Variants in HOXD8 observed in about 807,000 individuals in gnomAD.
HOXD8 encodes homeobox protein Hox-D8.
Under a neutral mutation model 25.4 loss-of-function variants are expected in HOXD8, and 17 were observed. That is an observed-to-expected ratio of 0.67 (90% CI 0.46 to 1.00). The LOEUF (loss-of-function observed/expected upper bound fraction) is 1.00. HOXD8 is among the 50% of genes least tolerant of loss of function. The pLI is 0.00. For missense variants in HOXD8, 511 were observed against 398.5 expected, an observed-to-expected ratio of 1.28 and a Z score of -2.40; for synonymous variants, 203 against 175.3, an observed-to-expected ratio of 1.16 and a Z score of -1.25.
At position 176,130,524 on chromosome 2, in the gene HOXD8, T is replaced by G. The variant is rs1690067005; in HGVS notation, c.158T>G (p.Leu53Arg). 2.0e-6 allele frequency: 3 copies of G among 1,484,506 alleles called. No individual in the cohort carries two copies. Among genetic ancestry groups the G allele is most frequent in the Non-Finnish European group, 2.7e-6 (3 of 1,125,742 alleles). 92.0% of individuals were successfully genotyped at this position (1,484,506 alleles called of 1,614,324 possible). The change falls in exon 1 of 2, where the codon CTC (leucine) becomes CGC (arginine). Residue 53 changes from leucine (L) to arginine (R), a missense_variant. Coordinates refer to ENST00000313173, the MANE Select transcript of HOXD8 (RefSeq NM_019558.4). The stretch of plus-strand genomic sequence containing the variant: ...GCCGCCGCCGCAGCAGCCCTGCAGC[T>G]CTATGGCAACAGCGCCGCCGGCTTC... ...RHAAAAAALQ[L>R]YGNSAAGFPH...
chr2:176,130,636 C>T lies in HOXD8; in HGVS notation c.270C>T (p.Gly90=), dbSNP rs1053977335. The T allele has an allele frequency of 1.3e-6, 2 of 1,539,378 alleles. No homozygotes were observed. The highest frequency in any genetic ancestry group is 1.7e-6 in the Non-Finnish European group (2 of 1,150,928). ...GTGCGGREGR[G]QEYFHPGGGS... ...GGTGCGGCGGTAGGGAAGGCCGGGGCCAGGAGTACTTCCACCCCGGCGGGG... is the reference window on the plus strand; with the variant it reads ...GGTGCGGCGGTAGGGAAGGCCGGGGTCAGGAGTACTTCCACCCCGGCGGGG... Residue 90 remains glycine, a synonymous_variant, in exon 1 of 2, where the codon GGC becomes GGT. Coordinates refer to ENST00000313173, the MANE Select transcript of HOXD8 (RefSeq NM_019558.4).
Position 176,129,746 on chromosome 2 carries a change from C to T in HOXD8, c.-621C>T, listed in dbSNP as rs1690035849. The stretch of plus-strand genomic sequence containing the variant: ...GTCCCCGTCACGCTGACTTTCCGTG[C>T]AGTGCTGTGGTGCGAAAATGCCTCG... On this transcript the variant is annotated 5_prime_UTR_variant, in exon 1 of 2. Transcript: ENST00000313173. The T allele has an allele frequency of 2.8e-6, 1 of 363,214 alleles. No individual in the cohort carries two copies. The highest frequency in any genetic ancestry group is 7.9e-5 in the East Asian group (1 of 12,614). 22.5% of individuals were successfully genotyped at this position (363,214 alleles called of 1,614,324 possible).
At chr2:176,131,022 G>A in intron 1 of HOXD8, 79 bp downstream of exon 1, 1 of 949,994 alleles carries the variant, frequency 1.1e-6, no homozygotes, top group South Asian at 1.7e-5. Flanking sequence ...TAAAACTCCC[G>A]TTCCCTCTCC....
chr2:176,129,773 C>T lies in HOXD8; in HGVS notation c.-594C>T, dbSNP rs1368595116. On this transcript the variant is annotated 5_prime_UTR_variant, in exon 1 of 2. Transcript: ENST00000313173. ...GTGCTGTGGTGCGAAAATGCCTCGC[C>T]GGTGCGCACCGGGTCGGCAGCCTCG... The T allele has an allele frequency of 3.2e-5, 7 of 216,776 alleles. No individual in the cohort carries two copies. Among genetic ancestry groups the T allele is most frequent in the Middle Eastern group, 1.3e-3 (1 of 766 alleles). The allele number at this position is 216,776 out of a possible 1,614,324, so 13.4% of individuals were successfully genotyped here. A position where few individuals can be genotyped will look rare whatever the true frequency, so the allele number is the denominator to read the frequency against.
rs1467375610 is a variant in HOXD8, at chr2:176,130,463, G to T, written c.97G>T (p.Asp33Tyr). 12 of 1,492,958 alleles carry T rather than the reference G, an allele frequency of 8.0e-6. No individual in the cohort carries two copies. Among genetic ancestry groups the T allele is most frequent in the South Asian group, 1.2e-5 (1 of 80,104 alleles). 92.5% of individuals were successfully genotyped at this position (1,492,958 alleles called of 1,614,324 possible). ...CGAGGCCATCAATCCCACTTACTAC[G>T]ACTGTCACTTCGCGCCCGAGGTCGG... ...AGEAINPTYY[D>Y]CHFAPEVGGR... The change falls in exon 1 of 2, where the codon GAC becomes TAC. Residue 33 changes from aspartate to tyrosine, a missense_variant. Coordinates refer to ENST00000313173, the MANE Select transcript of HOXD8 (RefSeq NM_019558.4).
chr2:176,130,396 C>G lies in HOXD8; in HGVS notation c.30C>G (p.Tyr10Ter). Residue 10 changes from tyrosine (Y) to a stop codon, truncating the protein, a stop_gained, in exon 1 of 2, where the codon TAC (tyrosine) becomes TAG (stop). Coordinates refer to ENST00000313173, the MANE Select transcript of HOXD8 (RefSeq NM_019558.4). LOFTEE classifies it high-confidence loss of function. Reference sequence around the variant, plus strand: ...GTTCGTACTTCGTGAACCCGCTGTACTCCAAGTACAAGGCGGCGGCTGCGG... The same window carrying G: ...GTTCGTACTTCGTGAACCCGCTGTAGTCCAAGTACAAGGCGGCGGCTGCGG... Reference protein sequence around the residue: MSSYFVNPLYSKYKAAAAAA... With the variant: MSSYFVNPL 11 of 1,484,514 alleles carry G rather than the reference C, an allele frequency of 7.4e-6. No homozygotes were observed. The highest frequency in any genetic ancestry group is 2.4e-5 in the Admixed American group (1 of 42,372). 92.0% of individuals were successfully genotyped at this position (1,484,514 alleles called of 1,614,324 possible).
At position 176,130,509 on chromosome 2, in the gene HOXD8, C is replaced by G; in HGVS notation, c.143C>G (p.Ala48Gly). ...PEVGGRHAAAAAALQLYGNSA... is the reference protein window; with the variant it reads ...PEVGGRHAAAGAALQLYGNSA... ...GTCGGCGGCCGTCACGCCGCCGCCG[C>G]AGCAGCCCTGCAGCTCTATGGCAAC... Residue 48 changes from alanine (A) to glycine (G), a missense_variant, in exon 1 of 2, where the codon GCA becomes GGA. Physicochemically the swap from Ala to Gly is moderately conservative, Grantham distance 60. Coordinates refer to ENST00000313173, the MANE Select transcript of HOXD8 (RefSeq NM_019558.4). The G allele has an allele frequency of 6.7e-7, 1 of 1,492,556 alleles. No homozygotes were observed. The highest frequency in any genetic ancestry group is 8.9e-7 in the Non-Finnish European group (1 of 1,127,890). The allele number at this position is 1,492,556 out of a possible 1,614,324, so 92.5% of individuals were successfully genotyped here. A position where few individuals can be genotyped will look rare whatever the true frequency, so the allele number is the denominator to read the frequency against.
Position 176,130,402 on chromosome 2 carries a change from G to A in HOXD8, c.36G>A (p.Lys12=). 1 of 1,488,006 alleles carries A rather than the reference G, an allele frequency of 6.7e-7. No individual in the cohort carries two copies. The highest frequency in any genetic ancestry group is 8.9e-7 in the Non-Finnish European group (1 of 1,126,246). The allele number at this position is 1,488,006 out of a possible 1,614,324, so 92.2% of individuals were successfully genotyped here. ...SSYFVNPLYS[K]YKAAAAAAAA... ...ACTTCGTGAACCCGCTGTACTCCAA[G>A]TACAAGGCGGCGGCTGCGGCGGCGG... is the stretch of plus-strand genomic sequence containing the variant. Residue 12 remains lysine (K), a synonymous_variant, in exon 1 of 2, where the codon AAG becomes AAA. Coordinates refer to ENST00000313173, the MANE Select transcript of HOXD8 (RefSeq NM_019558.4).
In HOXD8 at chr2:176,130,155, G is replaced by C. The variant is rs866892503; in HGVS notation, c.-212G>C. On this transcript the variant is annotated 5_prime_UTR_variant, in exon 1 of 2. Transcript: ENST00000313173. ...CCGAGGCGGCGGGCGCAAGAGCCGG[G>C]CATGAGCGCCCAGTAGCTGAGCGCC... 1 of 204,296 alleles carries C rather than the reference G, an allele frequency of 4.9e-6. No homozygotes were observed. Among genetic ancestry groups the C allele is most frequent in the South Asian group, 1.9e-4 (1 of 5,326 alleles). The allele number at this position is 204,296 out of a possible 1,614,324, so 12.7% of individuals were successfully genotyped here. A position where few individuals can be genotyped will look rare whatever the true frequency, so the allele number is the denominator to read the frequency against.
Position 176,130,351 on chromosome 2 carries a change from C to A in HOXD8, c.-16C>A. On this transcript the variant is annotated 5_prime_UTR_variant, in exon 1 of 2. Coordinates refer to ENST00000313173, the MANE Select transcript of HOXD8 (RefSeq NM_019558.4). ...GCGCCGCCCGCCCGCCCGGGGCCGCCGCCGCTGACGCCCCAATGAGTTCGT... is the reference window on the plus strand; with the variant it reads ...GCGCCGCCCGCCCGCCCGGGGCCGCAGCCGCTGACGCCCCAATGAGTTCGT... The A allele has an allele frequency of 7.2e-7, 1 of 1,393,148 alleles. No homozygotes were observed. The highest frequency in any genetic ancestry group is 9.2e-7 in the Non-Finnish European group (1 of 1,084,294). 86.3% of individuals were successfully genotyped at this position (1,393,148 alleles called of 1,614,324 possible). A position where few individuals can be genotyped will look rare whatever the true frequency, so the allele number is the denominator to read the frequency against.
At chr2:176,131,256 A>G (rs1327139491) in intron 1 of HOXD8, 61 bp from the exon 2 acceptor site, 36 of 1,487,248 alleles carry the variant, frequency 2.4e-5, no homozygotes, top group Non-Finnish European at 3.1e-5. Context: ...AGCAACATGC[A>G]GAGGTACCAT....
rs999086891 is a variant in HOXD8, at chr2:176,131,662, A to G, written c.*50A>G. ...GACTATTAAAACTAATAATCACCAT[A>G]TGCTGTGGACACCACCTATTTTCTT... On this transcript the variant is annotated 3_prime_UTR_variant, in exon 2 of 2. Transcript: ENST00000313173. The G allele has an allele frequency of 9.3e-6, 9 of 972,260 alleles. No homozygotes were observed. Among genetic ancestry groups the G allele is most frequent in the Non-Finnish European group, 1.4e-5 (9 of 646,278 alleles). 60.2% of individuals were successfully genotyped at this position (972,260 alleles called of 1,614,324 possible). A position where few individuals can be genotyped will look rare whatever the true frequency, so the allele number is the denominator to read the frequency against.
Position 176,130,553 on chromosome 2 carries a change from C to T in HOXD8, c.187C>T (p.His63Tyr), listed in dbSNP as rs1408973397. ...TGGCAACAGCGCCGCCGGCTTCCCG[C>T]ACGCGCCCCCGCAGGCGCACGCGCA... ...LYGNSAAGFP[H>Y]APPQAHAHPH... is the part of the protein sequence containing the mutation. Residue 63 changes from histidine to tyrosine, a missense_variant, in exon 1 of 2, where the codon CAC becomes TAC. By Grantham distance (83) the His-to-Tyr change is moderately conservative. Coordinates refer to ENST00000313173, the MANE Select transcript of HOXD8 (RefSeq NM_019558.4). 4 of 1,465,430 alleles carry T rather than the reference C, an allele frequency of 2.7e-6. No homozygotes were observed. Among genetic ancestry groups the T allele is most frequent in the Non-Finnish European group, 3.6e-6 (4 of 1,118,876 alleles). 90.8% of individuals were successfully genotyped at this position (1,465,430 alleles called of 1,614,324 possible).
Position 176,131,462 on chromosome 2 carries a change from A to G in HOXD8, c.723A>G (p.Val241=), listed in dbSNP as rs1690112396. The change falls in exon 2 of 2, where the codon GTA becomes GTG. Residue 241 remains valine, a synonymous_variant. Coordinates refer to ENST00000313173, the MANE Select transcript of HOXD8 (RefSeq NM_019558.4). ...CCCTAGCCCTCACCGAGAGACAGGT[A>G]AAAATCTGGTTCCAGAACAGGAGAA... ...SHALALTERQ[V]KIWFQNRRMK... 6.2e-7 allele frequency: 1 copy of G among 1,614,004 alleles called. No homozygotes were observed.
At chr2:176,131,226 C>G in intron 1 of HOXD8, 91 bp from the exon 2 acceptor site, 1 of 1,224,288 alleles carries the variant, frequency 8.2e-7, no homozygotes, top group East Asian at 2.3e-5. Context: ...ACCCCGTAGA[C>G]CCCCGTTCCA....
At position 176,130,520 on chromosome 2, in the gene HOXD8, C is replaced by T. The variant is rs963576572; in HGVS notation, c.154C>T (p.Gln52Ter). 17 of 1,489,966 alleles carry T rather than the reference C, an allele frequency of 1.1e-5. No homozygotes were observed. The highest frequency in any genetic ancestry group is 2.3e-5 in the Admixed American group (1 of 43,830). 92.3% of individuals were successfully genotyped at this position (1,489,966 alleles called of 1,614,324 possible). The change falls in exon 1 of 2, where the codon CAG becomes TAG. Residue 52 changes from glutamine (Q) to a stop codon, truncating the protein, a stop_gained. Transcript: ENST00000313173. LOFTEE classifies it high-confidence loss of function. ...GRHAAAAAAL[Q>*]LYGNSAAGFP... is the part of the protein sequence containing the mutation. ...TCACGCCGCCGCCGCAGCAGCCCTG[C>T]AGCTCTATGGCAACAGCGCCGCCGG... is the stretch of plus-strand genomic sequence containing the variant.
chr2:176,130,454 A>C lies in HOXD8; in HGVS notation c.88A>C (p.Thr30Pro). The change falls in exon 1 of 2, where the codon ACT (threonine) becomes CCT (proline). Residue 30 changes from threonine to proline, a missense_variant. Thr to Pro is a conservative substitution (Grantham distance 38). Transcript: ENST00000313173. ...AAAAGEAINP[T>P]YYDCHFAPEV... ...GGCGGCGGGCGAGGCCATCAATCCC[A>C]CTTACTACGACTGTCACTTCGCGCC... 6.7e-7 allele frequency: 1 copy of C among 1,492,756 alleles called. No homozygotes were observed. The highest frequency in any genetic ancestry group is 8.9e-7 in the Non-Finnish European group (1 of 1,127,456). The allele number at this position is 1,492,756 out of a possible 1,614,324, so 92.5% of individuals were successfully genotyped here.
At position 176,129,830 on chromosome 2, in the gene HOXD8, G is replaced by A. The variant is rs1248705986; in HGVS notation, c.-537G>A. 1 of 261,098 alleles carries A rather than the reference G, an allele frequency of 3.8e-6. No homozygotes were observed. The highest frequency in any genetic ancestry group is 7.6e-6 in the Non-Finnish European group (1 of 131,468). The allele number at this position is 261,098 out of a possible 1,614,324, so 16.2% of individuals were successfully genotyped here. A position where few individuals can be genotyped will look rare whatever the true frequency, so the allele number is the denominator to read the frequency against. On this transcript the variant is annotated 5_prime_UTR_variant, in exon 1 of 2. Transcript: ENST00000313173. ...GGGGCGAGATTGGCGGGAGGGGGGCGCGGGGGGGGCGCGGTAAGAGGTGGC... is the reference window on the plus strand; with the variant it reads ...GGGGCGAGATTGGCGGGAGGGGGGCACGGGGGGGGCGCGGTAAGAGGTGGC...
chr2:176,131,355 C>A lies in HOXD8; in HGVS notation c.616C>A (p.Arg206Ser), dbSNP rs2105406958. The change falls in exon 2 of 2, where the codon CGC becomes AGC. Residue 206 changes from arginine (R) to serine (S), a missense_variant. Transcript: ENST00000313173. ...GRRRGRQTYS[R>S]FQTLELEKEF... ...ACGAAGAGGAAGACAAACCTACAGT[C>A]GCTTCCAAACTCTAGAGTTGGAAAA... 1.9e-6 allele frequency: 3 copies of A among 1,604,176 alleles called. No individual in the cohort carries two copies. The highest frequency in any genetic ancestry group is 2.2e-5 in the South Asian group (2 of 90,326).
Sources: gnomAD v4.1 joint callset for allele counts on GRCh38, gnomAD v4.1.1 for gene constraint, MANE v1.5 for transcripts, NCBI Gene and HGNC (gene_info 2026-07-23, HGNC 2026-07-21) for gene names.